SH3BGRL2: variants seen among roughly 807,000 people sequenced by gnomAD.
SH3BGRL2 encodes the protein SH3 domain binding glutamate rich protein like 2.
SH3BGRL2 carries 21 observed loss-of-function variants against 14.8 expected under a neutral mutation model. The observed-to-expected ratio is 1.42, with a 90% CI of 1.01 to 2.05. SH3BGRL2 has a LOEUF of 2.05. Ranked by LOEUF, SH3BGRL2 falls within the 30% of genes most tolerant of loss-of-function variation. SH3BGRL2 has a pLI of 0.00. For missense variants in SH3BGRL2, 147 were observed against 130.8 expected, an observed-to-expected ratio of 1.12 and a Z score of -0.61; for synonymous variants, 50 against 47.8, an observed-to-expected ratio of 1.05 and a Z score of -0.19.
At chr6:79,630,678 G>T (rs781049177), upstream of SH3BGRL2, among the ~76,000 whole-genome samples, 1 of 152,080 alleles carries the variant, frequency 6.6e-6, no homozygotes, top group East Asian at 1.9e-4. Context: ...ATTTCGTTTG[G>T]TATTTATTTT....
chr6:79,566,100 A>C, the SH3BGRL2 span, among the ~76,000 whole-genome samples: 8 of 152,168 alleles, frequency 5.3e-5, no homozygotes, highest in Non-Finnish European at 1.2e-4. Flanking sequence ...AGGAGGGTGG[A>C]AAGTAGAGGA....
chr6:79,546,929 C>T, the SH3BGRL2 span, among the ~76,000 whole-genome samples: 1 of 152,130 alleles, frequency 6.6e-6, no homozygotes, highest in Non-Finnish European at 1.5e-5. Flanking sequence ...ATCCGCCTGC[C>T]TCAGCCTCCC....
the SH3BGRL2 span, among the ~76,000 whole-genome samples, chr6:79,550,445 A>G: frequency 6.6e-6 from 1 of 152,220 alleles, no homozygotes; most frequent in African/African-American, 2.4e-5. Context: ...ATATATCTGT[A>G]TAATGAGAGC....
intron 1 of SH3BGRL2, among the ~76,000 whole-genome samples, chr6:79,636,327 A>AGTGT (rs1160484491): frequency 6.6e-6 from 1 of 152,142 alleles, no homozygotes; most frequent in East Asian, 1.9e-4. Flanking sequence ...CACATCCTAC[A>AGTGT]GTGTGTGGGA....
chr6:79,573,426 A>G, the SH3BGRL2 span, among the ~76,000 whole-genome samples: 4 of 152,136 alleles, frequency 2.6e-5, no homozygotes, highest in African/African-American at 9.7e-5. Context: ...TATCAGGATG[A>G]GGTCCCACTT....
At chr6:79,551,454 T>A in the SH3BGRL2 span, among the ~76,000 whole-genome samples, 4 of 152,036 alleles carry the variant, frequency 2.6e-5, no homozygotes, top group Admixed American at 2.0e-4. Flanking sequence ...ATCAGAAAAA[T>A]TTTTTAAAAT....
At chr6:79,593,062 A>G in the SH3BGRL2 span, among the ~76,000 whole-genome samples, 1 of 152,194 alleles carries the variant, frequency 6.6e-6, no homozygotes, top group South Asian at 2.1e-4. Context: ...TCTTTGGGCA[A>G]ATGAGAGCCC....
At chr6:79,543,226 A>C in the SH3BGRL2 span, among the ~76,000 whole-genome samples, 1 of 152,228 alleles carries the variant, frequency 6.6e-6, no homozygotes, top group Non-Finnish European at 1.5e-5. Context: ...TTCAACTTGC[A>C]ATCAATATTT....
chr6:79,598,830 C>G, the SH3BGRL2 span, among the ~76,000 whole-genome samples: 1 of 150,530 alleles, frequency 6.6e-6, no homozygotes, highest in Non-Finnish European at 1.5e-5. Flanking sequence ...TGCGTGTAAT[C>G]CCAGCACTTT....
chr6:79,608,844 G>A, the SH3BGRL2 span, among the ~76,000 whole-genome samples: 14 of 152,234 alleles, frequency 9.2e-5, no homozygotes, highest in Non-Finnish European at 1.6e-4. Context: ...GACACAGTTC[G>A]AAACTAGGCA....
At chr6:79,567,458 T>C in the SH3BGRL2 span, among the ~76,000 whole-genome samples, 2 of 152,170 alleles carry the variant, frequency 1.3e-5, no homozygotes, top group African/African-American at 4.8e-5. Flanking sequence ...GATAGGTAAA[T>C]ATACCAATGA....
chr6:79,557,633 G>T, the SH3BGRL2 span, among the ~76,000 whole-genome samples: 1 of 152,226 alleles, frequency 6.6e-6, no homozygotes, highest in South Asian at 2.1e-4. Context: ...AGGTAATTAT[G>T]TTTGGAATAT....
the SH3BGRL2 span, among the ~76,000 whole-genome samples, chr6:79,568,134 C>T: frequency 2.8e-4 from 42 of 152,216 alleles, no homozygotes; most frequent in Middle Eastern, 3.4e-3. Flanking sequence ...TTAAATGGTC[C>T]AACCCCCTTT....
the SH3BGRL2 span, among the ~76,000 whole-genome samples, chr6:79,578,513 A>G: frequency 1.3e-5 from 2 of 152,248 alleles, no homozygotes; most frequent in Non-Finnish European, 2.9e-5. Context: ...AACAGCATCC[A>G]GAGTGGACCT....
chr6:79,668,443 TG>T (rs985846028), intron 1 of SH3BGRL2, among the ~76,000 whole-genome samples: 3 of 151,528 alleles, frequency 2.0e-5, no homozygotes, highest in African/African-American at 7.3e-5. Context: ...CAGGGCCCTG[TG>T]GGGGTGAGTC....
chr6:79,669,629 G>A (rs1769732465), intron 1 of SH3BGRL2, among the ~76,000 whole-genome samples: 2 of 151,992 alleles, frequency 1.3e-5, no homozygotes, highest in South Asian at 4.2e-4. Flanking sequence ...ATTTTTAGTA[G>A]AGATAGGGTT....
chr6:79,649,608 T>A (rs1769240353), intron 1 of SH3BGRL2, among the ~76,000 whole-genome samples: 1 of 152,262 alleles, frequency 6.6e-6, no homozygotes, highest in African/African-American at 2.4e-5. Flanking sequence ...TTTCCCATCA[T>A]CCTAGGAGCT....
At chr6:79,600,955 A>T in the SH3BGRL2 span, among the ~76,000 whole-genome samples, 1 of 152,126 alleles carries the variant, frequency 6.6e-6, no homozygotes, top group Non-Finnish European at 1.5e-5. Flanking sequence ...TTTTCTAGCC[A>T]TGATACTTAA....
At chr6:79,552,026 G>A in the SH3BGRL2 span, among the ~76,000 whole-genome samples, 1 of 152,190 alleles carries the variant, frequency 6.6e-6, no homozygotes. Flanking sequence ...GGAGTTGGAA[G>A]TTGCAGTGAG....
Sources: gnomAD v4.1 joint callset for allele counts (sites outside exome capture counted in the v4.1 genomes callset) on GRCh38, gnomAD v4.1.1 for gene constraint, MANE v1.5 for transcripts, NCBI Gene and HGNC (gene_info 2026-07-23, HGNC 2026-07-21) for gene names.